MTHFD1: variants seen among roughly 807,000 people sequenced by gnomAD.
MTHFD1 encodes C-1-tetrahydrofolate synthase, cytoplasmic.
A neutral mutation model predicts 110.3 loss-of-function variants in MTHFD1; 44 were observed. The observed-to-expected ratio is 0.40, with a 90% CI of 0.31 to 0.51. The LOEUF is 0.51. MTHFD1 is among the 20% of genes least tolerant of loss of function. MTHFD1 has a pLI of 0.60. For missense variants in MTHFD1, 909 were observed against 1,173.1 expected, an observed-to-expected ratio of 0.77 and a Z score of 3.29; for synonymous variants, 402 against 428.8, an observed-to-expected ratio of 0.94 and a Z score of 0.77.
chr14:64,436,333 A>G (rs2078205990), intron 16 of MTHFD1, among the ~76,000 whole-genome samples: 1 of 152,160 alleles, frequency 6.6e-6, no homozygotes, highest in Non-Finnish European at 1.5e-5. Flanking sequence ...TGACCTCATG[A>G]TCCGCCCACC....
At chr14:64,398,822 A>G (rs931698215) in intron 1 of MTHFD1, among the ~76,000 whole-genome samples, 3 of 152,244 alleles carry the variant, frequency 2.0e-5, no homozygotes, top group Non-Finnish European at 4.4e-5. Flanking sequence ...CAAGTTGAAC[A>G]TTGTATCATA....
At chr14:64,396,192 A>G (rs1259492553) in intron 1 of MTHFD1, among the ~76,000 whole-genome samples, 2 of 152,154 alleles carry the variant, frequency 1.3e-5, no homozygotes, top group Non-Finnish European at 2.9e-5. Flanking sequence ...ACTGTCTTGT[A>G]TACTGATATA....
chr14:64,409,312 A>G (rs1566558176), intron 2 of MTHFD1, among the ~76,000 whole-genome samples: 3 of 152,170 alleles, frequency 2.0e-5, no homozygotes, highest in Non-Finnish European at 2.9e-5. Flanking sequence ...ATGTCCACCT[A>G]CCTTTCCTGG....
Position 64,436,099 on chromosome 14 carries a change from A to G in MTHFD1, c.1597+428A>G, listed in dbSNP as rs138692078. ...TTTCTGTAGTTCTCTAGCTTACCTA[A>G]TCTTTTTTTTTTTGAGATGGAGTCT... On this transcript the variant is annotated intron_variant, in intron 16 of 27. Transcript: ENST00000652337. Among the ~76,000 whole-genome samples, 104 of 151,470 alleles carry G rather than the reference A, an allele frequency of 6.9e-4. 2 individuals carry two copies. In the East Asian group the frequency reaches 0.016, roughly 23 times the overall value.
chr14:64,444,885 T>C, intron 22 of MTHFD1, 151 bp downstream of exon 22: 5 of 773,894 alleles, frequency 6.5e-6, no homozygotes, highest in Non-Finnish European at 1.1e-5. Flanking sequence ...AGGAGTTATA[T>C]TAAATGAGTA....
intron 8 of MTHFD1, among the ~76,000 whole-genome samples, chr14:64,423,813 GC>G (rs2078095531): frequency 6.6e-6 from 1 of 151,350 alleles, no homozygotes; most frequent in East Asian, 1.9e-4. Context: ...TGCAAGCTCC[GC>G]CCCCCGGGTT....
Position 64,403,037 on chromosome 14 carries a change from GCAACC to G in MTHFD1, c.126+2161_126+2165del, listed in dbSNP as rs375928334. Among the ~76,000 whole-genome samples the G allele has an allele frequency of 2.8e-4, 43 of 152,212 alleles. No individual in the cohort carries two copies. The East Asian group carries it at 7.1e-3, about 25-fold the overall frequency. Reference sequence around the variant, plus strand: ...TGCAGTGGCACAATCTTGGTTCACTGCAACCTTCATCTCCCAGGCTCAAGTGATCC... The same window carrying G: ...TGCAGTGGCACAATCTTGGTTCACTGTTCATCTCCCAGGCTCAAGTGATCC... On this transcript the variant is annotated intron_variant, in intron 2 of 27. Transcript: ENST00000652337.
chr14:64,401,297 G>A (rs777629104), intron 2 of MTHFD1, among the ~76,000 whole-genome samples: 8 of 152,088 alleles, frequency 5.3e-5, no homozygotes, highest in Non-Finnish European at 1.0e-4. Context: ...CAAAGCATGG[G>A]TATTACAGGC....
chr14:64,388,516 C>T lies in MTHFD1; in HGVS notation c.41+48C>T, dbSNP rs1209833901. The T allele has an allele frequency of 3.2e-6, 5 of 1,577,892 alleles. No individual in the cohort carries two copies. The African/African-American group carries it at 6.7e-5, about 21-fold the overall frequency. ...GAGTGTGGGGCTGTGGACGAGGGCT[C>T]TGAGGGTGTGCAGGTCCCCCGGACC... On this transcript the variant is annotated intron_variant, in intron 1 of 27. Transcript: ENST00000652337.
Position 64,460,019 on chromosome 14 carries a change from A to G in MTHFD1, c.*265A>G. 2 of 1,153,258 alleles carry G rather than the reference A, an allele frequency of 1.7e-6. No individual in the cohort carries two copies. Among genetic ancestry groups the G allele is most frequent in the Non-Finnish European group, 1.2e-6 (1 of 817,710 alleles). 71.4% of individuals were successfully genotyped at this position (1,153,258 alleles called of 1,614,324 possible). A position where few individuals can be genotyped will look rare whatever the true frequency, so the allele number is the denominator to read the frequency against. ...ACAAGTTTGCCATCTTGGTGTTGCA[A>G]TATGAATTACAGCCTTAACAGACTG... On this transcript the variant is annotated 3_prime_UTR_variant, in exon 28 of 28. Coordinates refer to ENST00000652337, the MANE Select transcript of MTHFD1 (RefSeq NM_005956.4).
chr14:64,419,976 T>C (rs1433065171), intron 8 of MTHFD1, 51 bp downstream of exon 8: 1 of 1,276,158 alleles, frequency 7.8e-7, no homozygotes, highest in Non-Finnish European at 1.1e-6. Flanking sequence ...GGATGGTATC[T>C]AGGTCATCAA....
chr14:64,392,654 C>T (rs1046238053), intron 1 of MTHFD1, among the ~76,000 whole-genome samples: 1 of 152,138 alleles, frequency 6.6e-6, no homozygotes, highest in African/African-American at 2.4e-5. Context: ...GCTGCCTCCT[C>T]TGTGCATCAC....
At chr14:64,429,968 G>A (rs557161229) in intron 12 of MTHFD1, among the ~76,000 whole-genome samples, 133 of 152,216 alleles carry the variant, frequency 8.7e-4, no homozygotes, top group African/African-American at 3.0e-3. Flanking sequence ...AAGATAATGA[G>A]TAGGTATATA....
At chr14:64,448,898 C>T (rs1394989613) in intron 23 of MTHFD1, among the ~76,000 whole-genome samples, 1 of 151,756 alleles carries the variant, frequency 6.6e-6, no homozygotes, top group Non-Finnish European at 1.5e-5. Context: ...CTCCCGGGTT[C>T]ATGCCATTCT....
At position 64,417,230 on chromosome 14, in the gene MTHFD1, C is replaced by A. The variant is rs2078031728; in HGVS notation, c.479-658C>A. On this transcript the variant is annotated intron_variant, in intron 6 of 27. Coordinates refer to ENST00000652337, the MANE Select transcript of MTHFD1 (RefSeq NM_005956.4). The surrounding 1 kb of genome is among the most constrained non-coding windows in gnomAD (Gnocchi z 4.4). ...GGGAAGAAATATGGTCCCCTGTCCA[C>A]TACTGGGTACTCACTCAGGCTGTCT... Among the ~76,000 whole-genome samples the A allele has an allele frequency of 6.6e-6, 1 of 152,250 alleles. No individual in the cohort carries two copies. The highest frequency in any genetic ancestry group is 1.9e-4 in the East Asian group (1 of 5,200).
chr14:64,439,095 G>C lies in MTHFD1; in HGVS notation c.1598-1G>C. On this transcript the variant is annotated splice_acceptor_variant, in intron 16 of 27. Coordinates refer to ENST00000652337, the MANE Select transcript of MTHFD1 (RefSeq NM_005956.4). LOFTEE classifies it high-confidence loss of function. ...TTCTATATCTTGCCTGTCTGCTGTA[G>C]TGTTGGATACCAATGATAGATTCCT... 6.2e-7 allele frequency: 1 copy of C among 1,612,822 alleles called. No homozygotes were observed.
intron 11 of MTHFD1, among the ~76,000 whole-genome samples, chr14:64,427,106 A>G (rs776474955): frequency 6.3e-4 from 95 of 150,906 alleles, no homozygotes; most frequent in Non-Finnish European, 1.3e-3. Flanking sequence ...CCCAGGCTGG[A>G]GTACAGTGGT....
chr14:64,428,451 T>C (rs1323381507), intron 12 of MTHFD1, among the ~76,000 whole-genome samples: 1 of 151,248 alleles, frequency 6.6e-6, no homozygotes, highest in Non-Finnish European at 1.5e-5. Context: ...TTAATTATGA[T>C]AGGTTCTTAG....
At chr14:64,440,500 T>G in intron 18 of MTHFD1, 1 of 570,124 alleles carries the variant, frequency 1.8e-6, no homozygotes, top group African/African-American at 1.8e-5. Context: ...ATGATTTGAG[T>G]AACATCTTCA....
Sources: gnomAD v4.1 joint callset for allele counts (sites outside exome capture counted in the v4.1 genomes callset) on GRCh38, gnomAD v4.1.1 for gene constraint, Gnocchi (gnomAD v3.1) non-coding constraint, MANE v1.5 for transcripts, NCBI Gene and HGNC (gene_info 2026-07-23, HGNC 2026-07-21) for gene names.